CNKSR2: variants seen among roughly 807,000 people sequenced by gnomAD.
CNKSR2 encodes the protein connector enhancer of kinase suppressor of Ras 2.
A neutral mutation model predicts 84.4 loss-of-function variants in CNKSR2; 14 were observed. That is an observed-to-expected ratio of 0.17 (90% confidence interval 0.11 to 0.26). The LOEUF is 0.26. Ranked by LOEUF, CNKSR2 falls within the 10% of genes least tolerant of loss-of-function variation. CNKSR2 has a pLI of 1.00. For synonymous variants in CNKSR2, 275 were observed against 277.9 expected, an observed-to-expected ratio of 0.99 and a Z score of 0.10; for missense variants, 485 against 771.2, an observed-to-expected ratio of 0.63 and a Z score of 4.40.
chrX:21,407,144 AAAAT>A (rs2090275110), intron 1 of CNKSR2, among the ~76,000 whole-genome samples: 1 of 111,944 alleles, frequency 8.9e-6, no homozygotes, highest in South Asian at 3.7e-4. Context: ...TATTATTTCT[AAAAT>A]AAATCTTAAT....
At chrX:21,642,470 T>C in intron 20 of CNKSR2, 1 of 751,541 alleles carries the variant, frequency 1.3e-6, no homozygotes. Context: ...TTTAATACTA[T>C]GTAACTGGGT....
At chrX:21,410,624 T>C (rs2090330839) in intron 1 of CNKSR2, among the ~76,000 whole-genome samples, 1 of 111,730 alleles carries the variant, frequency 9.0e-6, no homozygotes, top group South Asian at 3.6e-4. Flanking sequence ...AAATCCTTAC[T>C]TGTGATAAGA....
intron 5 of CNKSR2, among the ~76,000 whole-genome samples, chrX:21,475,837 A>AT (rs1166192621): frequency 9.0e-6 from 1 of 111,255 alleles, no homozygotes; most frequent in African/African-American, 3.3e-5. Flanking sequence ...CGGATTTCGG[A>AT]TTTTTTTGGA....
At position 21,652,338 on chromosome X, in the gene CNKSR2, A is replaced by C; in HGVS notation, c.2922A>C (p.Lys974Asn). The part of the protein sequence containing the change: ...AREGEVAIID[K>N]VLDNPDLTSK... ...AAGGGGAAGTAGCCATTATCGATAA[A>C]GTCCTAGACAATCCAGACTTGACAT... The change falls in exon 22 of 22, where the codon AAA becomes AAC. Residue 974 changes from lysine to asparagine, a missense_variant. By Grantham distance (94) the Lys-to-Asn change is moderately conservative. Coordinates refer to ENST00000379510, the MANE Select transcript of CNKSR2 (RefSeq NM_014927.5). The C allele has an allele frequency of 8.3e-7, 1 of 1,210,464 alleles. No individual in the cohort carries two copies. The highest frequency in any genetic ancestry group is 1.1e-6 in the Non-Finnish European group (1 of 894,313).
At chrX:21,610,329 C>T (rs930129951) in intron 20 of CNKSR2, among the ~76,000 whole-genome samples, 2 of 112,026 alleles carry the variant, frequency 1.8e-5, no homozygotes, top group Admixed American at 9.5e-5. Context: ...AATATCTTTA[C>T]TAGTTATTAA....
chrX:21,630,162 G>T (rs2092641454), intron 20 of CNKSR2, among the ~76,000 whole-genome samples: 1 of 112,059 alleles, frequency 8.9e-6, no homozygotes, highest in African/African-American at 3.2e-5. Flanking sequence ...TTTTTATAAA[G>T]ATATGCCACA....
chrX:21,496,769 GTTA>G (rs1045864005), intron 6 of CNKSR2, among the ~76,000 whole-genome samples: 13 of 111,081 alleles, frequency 1.2e-4, no homozygotes, highest in Non-Finnish European at 1.9e-4. Context: ...ATTGTTGGTT[GTTA>G]TTATTAAATC....
At chrX:21,404,657 T>A (rs1182923151) in intron 1 of CNKSR2, among the ~76,000 whole-genome samples, 1 of 107,253 alleles carries the variant, frequency 9.3e-6, no homozygotes, top group Non-Finnish European at 1.9e-5. Context: ...GGCATGGTGA[T>A]GCGTGTCTGT....
rs933788308 is a variant in CNKSR2, at chrX:21,653,852, C to A, written c.*1331C>A. The A allele has an allele frequency of 9.0e-6, 1 of 111,242 alleles. No homozygotes were observed. Among genetic ancestry groups the A allele is most frequent in the Non-Finnish European group, 1.9e-5 (1 of 53,033 alleles). The allele number at this position is 111,242 out of a possible 1,213,427, so 9.2% of individuals were successfully genotyped here. A position where few individuals can be genotyped will look rare whatever the true frequency, so the allele number is the denominator to read the frequency against. On this transcript the variant is annotated 3_prime_UTR_variant, in exon 22 of 22. Coordinates refer to ENST00000379510, the MANE Select transcript of CNKSR2 (RefSeq NM_014927.5). ...GTTTTTTTCAGGAGGAGAAAGGGAA[C>A]CTCCTTTACTATTCTATATCCTAAA...
Position 21,374,750 on chromosome X carries a change from C to T in CNKSR2, c.-148C>T. The stretch of plus-strand genomic sequence containing the variant: ...GGTTGGCTAAAAGACGTTACAGCCG[C>T]GAGACCCGACACACAAAAGCCGCTT... On this transcript the variant is annotated 5_prime_UTR_variant, in exon 1 of 22. Transcript: ENST00000379510. 1.9e-6 allele frequency: 1 copy of T among 529,719 alleles called. No individual in the cohort carries two copies. Among genetic ancestry groups the T allele is most frequent in the Non-Finnish European group, 3.4e-6 (1 of 296,423 alleles). 43.7% of individuals were successfully genotyped at this position (529,719 alleles called of 1,213,427 possible). A position where few individuals can be genotyped will look rare whatever the true frequency, so the allele number is the denominator to read the frequency against.
chrX:21,639,463 A>G (rs2092684874), intron 20 of CNKSR2, among the ~76,000 whole-genome samples: 1 of 111,931 alleles, frequency 8.9e-6, no homozygotes, highest in African/African-American at 3.2e-5. Context: ...TGCCTCAAAT[A>G]TAAATAGGCA....
chrX:21,622,244 G>T (rs1156605048), intron 20 of CNKSR2, among the ~76,000 whole-genome samples: 1 of 111,049 alleles, frequency 9.0e-6, no homozygotes, highest in African/African-American at 3.3e-5. Flanking sequence ...TGTATCTTCA[G>T]TTTTTTCATA....
intron 1 of CNKSR2, among the ~76,000 whole-genome samples, chrX:21,411,739 T>C (rs1488089895): frequency 9.0e-6 from 1 of 111,256 alleles, no homozygotes; most frequent in Non-Finnish European, 1.9e-5. Context: ...AATCACCATA[T>C]TATGGGCTCC....
At chrX:21,508,607 C>T (rs771594715) in intron 8 of CNKSR2, among the ~76,000 whole-genome samples, 117 of 111,669 alleles carry the variant, frequency 1.0e-3, no homozygotes, top group Non-Finnish European at 1.8e-3. Flanking sequence ...ATGAAACCTC[C>T]GAAATAAACC....
chrX:21,561,542 A>G lies in CNKSR2; in HGVS notation c.1375A>G (p.Lys459Glu). The G allele has an allele frequency of 8.3e-7, 1 of 1,198,691 alleles. No homozygotes were observed. Among genetic ancestry groups the G allele is most frequent in the Non-Finnish European group, 1.1e-6 (1 of 884,555 alleles). ...VGDYEDPNKM[K>E]RDSRRENSLL... is the part of the protein sequence containing the mutation. Reference sequence around the variant, plus strand: ...GGACTATGAAGATCCAAATAAGATGAAGAGAGATAGTAGAAGAGGTAAGTG... The same window carrying G: ...GGACTATGAAGATCCAAATAAGATGGAGAGAGATAGTAGAAGAGGTAAGTG... Residue 459 changes from lysine (K) to glutamate (E), a missense_variant, in exon 12 of 22, where the codon AAG (lysine) becomes GAG (glutamate). By Grantham distance (56) the Lys-to-Glu change is moderately conservative. Around this residue, in one of 5 missense-constraint regions of CNKSR2, gnomAD observed 132 missense variants for 166.7 expected, o/e 0.79. Transcript: ENST00000379510.
At chrX:21,490,091 A>G (rs1010937216) in intron 5 of CNKSR2, among the ~76,000 whole-genome samples, 1 of 111,695 alleles carries the variant, frequency 9.0e-6, no homozygotes, top group Admixed American at 9.5e-5. Context: ...ACCATGAATT[A>G]AAAGACTTCG....
At chrX:21,622,713 G>A (rs1051564493) in intron 20 of CNKSR2, among the ~76,000 whole-genome samples, 2 of 111,438 alleles carry the variant, frequency 1.8e-5, no homozygotes, top group Non-Finnish European at 3.8e-5. Context: ...TTGTATTTCT[G>A]AAACATGAAA....
intron 3 of CNKSR2, among the ~76,000 whole-genome samples, chrX:21,440,033 G>A (rs759617407): frequency 9.1e-6 from 1 of 109,912 alleles, no homozygotes; most frequent in Non-Finnish European, 1.9e-5. Flanking sequence ...AAATCTAAAC[G>A]TGTAAAAAGA....
intron 7 of CNKSR2, among the ~76,000 whole-genome samples, 157 bp downstream of exon 7, chrX:21,498,003 C>A (rs915888623): frequency 9.0e-6 from 1 of 111,439 alleles, no homozygotes; most frequent in African/African-American, 3.3e-5. Flanking sequence ...AGCATTCATT[C>A]TGTTCAAATT....
Sources: gnomAD v4.1 joint callset for allele counts (sites outside exome capture counted in the v4.1 genomes callset) on GRCh38, gnomAD v4.1.1 for gene constraint, gnomAD v4.1.1 regional missense constraint, MANE v1.5 for transcripts, NCBI Gene and HGNC (gene_info 2026-07-23, HGNC 2026-07-21) for gene names.